Variants in DAAM1 observed in about 807,000 individuals in gnomAD.
The protein encoded by DAAM1 is dishevelled associated activator of morphogenesis 1.
DAAM1 carries 52 observed loss-of-function variants against 130.0 expected under a neutral mutation model. The ratio of observed to expected loss-of-function variants is 0.40; its 90% CI spans 0.32 to 0.50. The LOEUF (loss-of-function observed/expected upper bound fraction) is 0.50. DAAM1 is among the 20% of genes least tolerant of loss of function. The probability of loss-of-function intolerance (pLI) is 0.61; values close to 1 mark genes in which losing one functional copy is unlikely to be tolerated. For missense variants in DAAM1, 1,134 were observed against 1,303.8 expected (o/e 0.87, Z 2.01); for synonymous variants, 452 against 444.5 (o/e 1.02, Z -0.21).
chr14:59,276,879 C>T, intron 2 of DAAM1, among the ~76,000 whole-genome samples: 1 of 152,154 alleles, frequency 6.6e-6, no homozygotes, highest in East Asian at 1.9e-4. Flanking sequence ...TTCTTTCTCT[C>T]GTTTTTCTTA....
chr14:59,359,320 A>G, intron 20 of DAAM1, 77 bp from the exon 21 acceptor site: 1 of 1,078,554 alleles, frequency 9.3e-7, no homozygotes, highest in Non-Finnish European at 1.4e-6. Context: ...ATATGCAGAT[A>G]TTAACTATTC....
intron 4 of DAAM1, among the ~76,000 whole-genome samples, chr14:59,317,996 T>G (rs576390120): frequency 6.6e-6 from 1 of 152,308 alleles, no homozygotes; most frequent in South Asian, 2.1e-4. Flanking sequence ...ACTGCAGCAC[T>G]TACTAGTCTG....
chr14:59,334,951 A>G (rs898116249), intron 15 of DAAM1, among the ~76,000 whole-genome samples: 2 of 152,182 alleles, frequency 1.3e-5, no homozygotes, highest in African/African-American at 4.8e-5. Flanking sequence ...GCCAAGTATG[A>G]TATGCACAGT....
At chr14:59,201,025 G>A (rs971392342) in intron 1 of DAAM1, among the ~76,000 whole-genome samples, 2 of 152,070 alleles carry the variant, frequency 1.3e-5, no homozygotes, top group South Asian at 4.1e-4. Flanking sequence ...GCCAGGCGTG[G>A]TGGTGGGTGC....
rs960336255 is a variant in DAAM1, at chr14:59,315,477, C to G, written c.345+126C>G. 4 of 860,852 alleles carry G rather than the reference C, an allele frequency of 4.6e-6. No individual in the cohort carries two copies. In the African/African-American group the frequency reaches 6.8e-5, roughly 15 times the overall value. The allele number at this position is 860,852 out of a possible 1,614,324, so 53.3% of individuals were successfully genotyped here. ...TGTCAGTACCTTTCCAAACTCCATC[C>G]TAAACATTCAATGCTGGGGAAAGGA... On this transcript the variant is annotated intron_variant, in intron 4 of 24. Coordinates refer to ENST00000360909, the MANE Select transcript of DAAM1 (RefSeq NM_001270520.2).
At chr14:59,298,435 A>G (rs1884041286) in intron 3 of DAAM1, among the ~76,000 whole-genome samples, 1 of 152,148 alleles carries the variant, frequency 6.6e-6, no homozygotes, top group Non-Finnish European at 1.5e-5. Flanking sequence ...AGCACCGTTT[A>G]CCTGTTTAGG....
intron 2 of DAAM1, among the ~76,000 whole-genome samples, chr14:59,286,672 A>C (rs1883471303): frequency 6.6e-6 from 1 of 152,176 alleles, no homozygotes; most frequent in East Asian, 1.9e-4. Context: ...GCACACAAAC[A>C]AGGTGTTTAA....
chr14:59,353,630 A>G (rs1045594473), intron 18 of DAAM1, among the ~76,000 whole-genome samples: 2 of 152,160 alleles, frequency 1.3e-5, no homozygotes, highest in Non-Finnish European at 2.9e-5. Flanking sequence ...AGTTGCCTTG[A>G]TGGGCGCTAA....
At chr14:59,207,563 A>C (rs2139404753) in intron 1 of DAAM1, among the ~76,000 whole-genome samples, 1 of 152,364 alleles carries the variant, frequency 6.6e-6, no homozygotes, top group South Asian at 2.1e-4. Context: ...TATGTGAATG[A>C]TGACTTCATC....
chr14:59,326,509 G>T lies in DAAM1; in HGVS notation c.1175-1G>T. 1 of 1,563,232 alleles carries T rather than the reference G, an allele frequency of 6.4e-7. No individual in the cohort carries two copies. The highest frequency in any genetic ancestry group is 8.6e-7 in the Non-Finnish European group (1 of 1,157,510). On this transcript the variant is annotated splice_acceptor_variant, in intron 10 of 24. Transcript: ENST00000360909. LOFTEE classifies it high-confidence loss of function. The stretch of plus-strand genomic sequence containing the variant: ...TTTTTCACTATTCTTTTCTTTTTTA[G>T]ACAAGAGGAGTGGCAACACTGTTCA...
chr14:59,302,828 A>G (rs903535928), intron 3 of DAAM1, among the ~76,000 whole-genome samples: 3 of 151,858 alleles, frequency 2.0e-5, no homozygotes, highest in African/African-American at 7.3e-5. Flanking sequence ...TGATTTTTGT[A>G]TTTTTAGTAG....
chr14:59,295,987 G>C (rs1883941351), intron 3 of DAAM1, among the ~76,000 whole-genome samples: 1 of 152,200 alleles, frequency 6.6e-6, no homozygotes, highest in Non-Finnish European at 1.5e-5. Flanking sequence ...CTAGACTTCA[G>C]TGACAGTATT....
At chr14:59,358,938 A>G (rs12880621) in intron 20 of DAAM1, among the ~76,000 whole-genome samples, 1 of 150,672 alleles carries the variant, frequency 6.6e-6, no homozygotes, top group African/African-American at 2.4e-5. Flanking sequence ...AACATCCCTC[A>G]CTCTCCACCC....
In DAAM1 at chr14:59,353,960, G is replaced by A. The variant is rs752501031; in HGVS notation, c.2352G>A (p.Val784=). The change falls in exon 19 of 25, where the codon GTG becomes GTA. Residue 784 remains valine, a synonymous_variant. Coordinates refer to ENST00000360909, the MANE Select transcript of DAAM1 (RefSeq NM_001270520.2). ...AERVAEVKPK[V]EAIRSGSEEV... is the part of the protein sequence containing the mutation. ...GTGTGGCAGAAGTGAAACCTAAAGT[G>A]GAAGGTAAAGTCAAGCTGTCTAGAT... The A allele has an allele frequency of 3.1e-6, 5 of 1,613,610 alleles. No homozygotes were observed. The highest frequency in any genetic ancestry group is 4.5e-5 in the East Asian group (2 of 44,818).
intron 2 of DAAM1, among the ~76,000 whole-genome samples, chr14:59,285,635 TA>T (rs973851471): frequency 6.6e-6 from 1 of 152,252 alleles, no homozygotes; most frequent in Non-Finnish European, 1.5e-5. Flanking sequence ...TTGTATCTGA[TA>T]AAACAGATTT....
rs569684756 is a variant in DAAM1, at chr14:59,271,398, T to C, written c.183+7738T>C. ...AATATAATCATAAATATAATTACTATAGGCCTATATCATTAAATACTGAGG... is the reference window on the plus strand; with the variant it reads ...AATATAATCATAAATATAATTACTACAGGCCTATATCATTAAATACTGAGG... On this transcript the variant is annotated intron_variant, in intron 2 of 24. Coordinates refer to ENST00000360909, the MANE Select transcript of DAAM1 (RefSeq NM_001270520.2). Among the ~76,000 whole-genome samples the C allele has an allele frequency of 3.1e-4, 47 of 152,226 alleles. No homozygotes were observed. In the South Asian group the frequency reaches 9.8e-3, roughly 32 times the overall value.
chr14:59,241,165 T>G (rs532518287), intron 1 of DAAM1, among the ~76,000 whole-genome samples: 52 of 152,348 alleles, frequency 3.4e-4, no homozygotes, highest in African/African-American at 1.2e-3. Context: ...ATACTGCATT[T>G]TGTATGTATG....
intron 20 of DAAM1, among the ~76,000 whole-genome samples, chr14:59,358,804 C>T (rs908051511): frequency 4.7e-5 from 7 of 150,104 alleles, no homozygotes; most frequent in Non-Finnish European, 1.0e-4. Context: ...GATTGCACCA[C>T]TGCACTCCAG....
rs117661987 is a variant in DAAM1 at position 59,361,982 on chromosome 14, T to C, written c.2694+1120T>C. On this transcript the variant is annotated intron_variant, in intron 22 of 24. Transcript: ENST00000360909. ...AATTAAAGTCACAATGTCTAATTTT[T>C]TTTTCAATAAATTAAGGAGCATGTG... Among the ~76,000 whole-genome samples, 405 of 152,036 alleles carry C rather than the reference T, an allele frequency of 2.7e-3. 3 individuals are homozygous for C. The highest frequency in any genetic ancestry group is 0.01 in the Middle Eastern group (3 of 292).
Sources: gnomAD v4.1 joint callset for allele counts (sites outside exome capture counted in the v4.1 genomes callset) on GRCh38, gnomAD v4.1.1 for gene constraint, MANE v1.5 for transcripts, NCBI Gene and HGNC (gene_info 2026-07-23, HGNC 2026-07-21) for gene names.